Variants in IGSF11 observed in about 807,000 individuals in gnomAD.
The protein encoded by IGSF11 is CXADR like 1.
Under a neutral mutation model 41.0 loss-of-function variants are expected in IGSF11, and 22 were observed. The observed-to-expected ratio is 0.54, with a 90% CI of 0.38 to 0.77. The LOEUF (loss-of-function observed/expected upper bound fraction) is 0.77, where lower values mean the gene tolerates loss of function less well. Among genes scored for constraint, IGSF11 ranks in the 30% least tolerant of loss-of-function variants. The pLI is 0.00. For missense variants in IGSF11, 444 were observed against 530.8 expected, an observed-to-expected ratio of 0.84 and a Z score of 1.61; for synonymous variants, 219 against 201.3, an observed-to-expected ratio of 1.09 and a Z score of -0.74.
chr3:118,995,860 C>T (rs1007113415), intron 1 of IGSF11, among the ~76,000 whole-genome samples: 2 of 152,050 alleles, frequency 1.3e-5, no homozygotes, highest in Non-Finnish European at 2.9e-5. Context: ...ACTGTGTTAG[C>T]CAGGATGGTC....
intron 1 of IGSF11, among the ~76,000 whole-genome samples, chr3:119,053,040 T>C (rs1559838551): frequency 6.6e-6 from 1 of 152,142 alleles, no homozygotes; most frequent in South Asian, 2.1e-4. Context: ...GCCAACATTA[T>C]ACTGAATGGG....
rs1392896936 is a variant in IGSF11, at chr3:119,005,202, CT to C, written c.52+29328del. ...TTAGCTCCTCTTGTTGAATTGATCCCTTTACCATTATGTAATGGCCTTCTTT... is the reference window on the plus strand; with the variant it reads ...TTAGCTCCTCTTGTTGAATTGATCCCTTACCATTATGTAATGGCCTTCTTT... On this transcript the variant is annotated intron_variant, in intron 1 of 6. Transcript: ENST00000393775. Among the ~76,000 whole-genome samples the C allele has an allele frequency of 2.7e-5, 4 of 146,024 alleles. No homozygotes were observed. The East Asian group carries it at 5.9e-4, about 22-fold the overall frequency.
chr3:119,085,930 T>C (rs1017787416), intron 1 of IGSF11, among the ~76,000 whole-genome samples: 4 of 152,184 alleles, frequency 2.6e-5, no homozygotes, highest in Admixed American at 2.0e-4. Context: ...GTAAACTCCA[T>C]AGTGTGGGAG....
At chr3:119,074,457 G>T (rs913442817) in intron 1 of IGSF11, among the ~76,000 whole-genome samples, 1 of 151,920 alleles carries the variant, frequency 6.6e-6, no homozygotes, top group Non-Finnish European at 1.5e-5. Context: ...CAAATTCTTT[G>T]AAAATAATGA....
intron 1 of IGSF11, among the ~76,000 whole-genome samples, chr3:119,094,740 C>T (rs2076822139): frequency 1.3e-5 from 2 of 149,578 alleles, no homozygotes; most frequent in African/African-American, 4.9e-5. Context: ...GGCACAATCT[C>T]GGTTCACTGC....
At chr3:118,973,564 TA>T (rs779040692) in intron 1 of IGSF11, among the ~76,000 whole-genome samples, 41 of 152,298 alleles carry the variant, frequency 2.7e-4, no homozygotes, top group Non-Finnish European at 4.7e-4. Context: ...TGATCTCTCC[TA>T]AAGGCCTATG....
chr3:119,029,304 G>A (rs1301707184), intron 1 of IGSF11, among the ~76,000 whole-genome samples: 2 of 151,702 alleles, frequency 1.3e-5, no homozygotes, highest in Non-Finnish European at 2.9e-5. Context: ...GCGAGAGAGA[G>A]AGCGGGCAAG....
intron 1 of IGSF11, among the ~76,000 whole-genome samples, chr3:119,059,820 T>C (rs949100836): frequency 1.3e-5 from 2 of 152,096 alleles, no homozygotes; most frequent in African/African-American, 4.8e-5. Context: ...TTACATAACA[T>C]AAGTTTCAGC....
At chr3:119,094,522 A>G (rs574618193) in intron 1 of IGSF11, among the ~76,000 whole-genome samples, 18 of 152,090 alleles carry the variant, frequency 1.2e-4, no homozygotes, top group Non-Finnish European at 1.8e-4. Flanking sequence ...TCCTGAAAAA[A>G]GAGCTAGGAG....
At chr3:119,059,404 C>A (rs1265515225) in intron 1 of IGSF11, among the ~76,000 whole-genome samples, 1 of 152,008 alleles carries the variant, frequency 6.6e-6, no homozygotes, top group Non-Finnish European at 1.5e-5. Flanking sequence ...ACTCTGGGGA[C>A]TCAGGGGAAG....
At chr3:119,116,774 G>T (rs1460337813) in intron 1 of IGSF11, among the ~76,000 whole-genome samples, 1 of 152,164 alleles carries the variant, frequency 6.6e-6, no homozygotes, top group Non-Finnish European at 1.5e-5. Context: ...CATTATGGTA[G>T]ATTGGCCTTT....
chr3:118,928,953 TAAAA>T (rs998392138), intron 2 of IGSF11, among the ~76,000 whole-genome samples: 1 of 151,990 alleles, frequency 6.6e-6, no homozygotes, highest in Non-Finnish European at 1.5e-5. Flanking sequence ...CATCAGAACA[TAAAA>T]AAAGTCTTTG....
chr3:119,012,339 G>A lies in IGSF11; in HGVS notation c.52+22192C>T, dbSNP rs141788245. ...TCATTATGGTATTTCCAAACCTTTC[G>A]TGAGCTTCCCAAATAAGTTCTAAAC... is the stretch of plus-strand genomic sequence containing the variant. On this transcript the variant is annotated intron_variant, in intron 1 of 6. Coordinates refer to ENST00000393775, the MANE Select transcript of IGSF11 (RefSeq NM_001015887.3). 4.5e-3 allele frequency among the ~76,000 whole-genome samples: 679 copies of A among 152,212 alleles called. 12 individuals are homozygous for A. The highest frequency in any genetic ancestry group is 0.016 in the African/African-American group (648 of 41,512).
chr3:118,915,055 AG>A (rs1484457740), intron 4 of IGSF11, among the ~76,000 whole-genome samples: 1 of 129,730 alleles, frequency 7.7e-6, no homozygotes, highest in Non-Finnish European at 1.6e-5. Flanking sequence ...CCTGTCTGTT[AG>A]AAGGAAAACT....
chr3:119,068,916 CTTTTTTTTTTCT>C (rs1942313590), intron 1 of IGSF11, among the ~76,000 whole-genome samples: 2 of 114,140 alleles, frequency 1.8e-5, no homozygotes, highest in African/African-American at 3.7e-5. Context: ...TGGTTATTTT[CTTTTTTTTTTCT>C]TTTTTTTTTT....
intron 1 of IGSF11, among the ~76,000 whole-genome samples, chr3:118,976,656 A>G (rs115698556): frequency 0.013 from 1,963 of 152,280 alleles, 46 homozygotes; most frequent in African/African-American, 0.045. Context: ...CATTCTGAAA[A>G]CTGGAAATAG....
At chr3:119,125,184 A>G (rs1299972399) in intron 1 of IGSF11, among the ~76,000 whole-genome samples, 1 of 152,202 alleles carries the variant, frequency 6.6e-6, no homozygotes, top group Non-Finnish European at 1.5e-5. Context: ...GTCAGAAATA[A>G]AAGAATGTTA....
intron 1 of IGSF11, among the ~76,000 whole-genome samples, chr3:118,968,567 G>A (rs1287594803): frequency 6.6e-6 from 1 of 152,154 alleles, no homozygotes; most frequent in African/African-American, 2.4e-5. Flanking sequence ...CTGAAGCTAT[G>A]TCAAAAAGGG....
intron 1 of IGSF11, among the ~76,000 whole-genome samples, chr3:118,995,980 C>T (rs1936236169): frequency 6.6e-6 from 1 of 151,826 alleles, no homozygotes; most frequent in Admixed American, 6.6e-5. Context: ...GACAGAGTTT[C>T]ACCATATTAG....
Sources: allele counts gnomAD v4.1 joint callset (sites outside exome capture counted in the v4.1 genomes callset), GRCh38; gene constraint gnomAD v4.1.1; transcripts MANE v1.5; gene names NCBI Gene and HGNC (gene_info 2026-07-23, HGNC 2026-07-21).